SLC25A12: variants seen among roughly 807,000 people sequenced by gnomAD.
SLC25A12 encodes electrogenic aspartate/glutamate antiporter SLC25A12, mitochondrial.
A neutral mutation model predicts 83.3 loss-of-function variants in SLC25A12; 32 were observed. The observed-to-expected ratio is 0.38, with a 90% CI of 0.29 to 0.52. The LOEUF (loss-of-function observed/expected upper bound fraction) is 0.52. Among genes scored for constraint, SLC25A12 ranks in the 20% least tolerant of loss-of-function variants. The pLI, the probability that SLC25A12 is intolerant of heterozygous loss-of-function variation, is 0.84. For synonymous variants in SLC25A12, 267 were observed against 291.1 expected (o/e 0.92, Z 0.84); for missense variants, 611 against 835.6 (o/e 0.73, Z 3.31).
intron 2 of SLC25A12, among the ~76,000 whole-genome samples, chr2:171,869,039 T>C (rs532313908): frequency 6.6e-6 from 1 of 152,330 alleles, no homozygotes; most frequent in Admixed American, 6.5e-5. Context: ...TGTAGGAACC[T>C]TGAAAACATT....
intron 13 of SLC25A12, among the ~76,000 whole-genome samples, chr2:171,805,482 C>G (rs1036246833): frequency 1.3e-5 from 2 of 152,144 alleles, no homozygotes; most frequent in African/African-American, 4.8e-5. Flanking sequence ...TATGAAAGAA[C>G]AAATGAAAAC....
chr2:171,821,650 A>G (rs1032589368), intron 9 of SLC25A12, among the ~76,000 whole-genome samples: 4 of 152,104 alleles, frequency 2.6e-5, no homozygotes, highest in African/African-American at 9.7e-5. Context: ...GTTTCTGTTC[A>G]GGTATTTAGC....
intron 5 of SLC25A12, 34 bp from the exon 6 acceptor site, chr2:171,837,301 G>C (rs770931732): frequency 1.9e-5 from 31 of 1,611,188 alleles, no homozygotes; most frequent in Non-Finnish European, 2.5e-5. Context: ...CATTAAGCTG[G>C]TTAAACACAT....
chr2:171,827,890 T>C (rs1428672889), intron 8 of SLC25A12, among the ~76,000 whole-genome samples: 5 of 151,680 alleles, frequency 3.3e-5, no homozygotes, highest in African/African-American at 1.2e-4. Flanking sequence ...GAGCCTTCAT[T>C]TGCGGGCACA....
intron 5 of SLC25A12, among the ~76,000 whole-genome samples, chr2:171,841,069 A>ATTTG (rs200520228): frequency 0.021 from 3,193 of 152,158 alleles, 51 homozygotes; most frequent in Middle Eastern, 0.037. Context: ...AACAAGAGGG[A>ATTTG]TTTGTTTGTT....
intron 9 of SLC25A12, among the ~76,000 whole-genome samples, chr2:171,820,322 A>AT (rs1684159519): frequency 6.6e-6 from 1 of 152,244 alleles, no homozygotes; most frequent in Admixed American, 6.5e-5. Flanking sequence ...TAGCTTTAAT[A>AT]TAATTTCCCA....
chr2:171,847,384 G>C (rs769552438), intron 4 of SLC25A12, among the ~76,000 whole-genome samples: 1 of 152,184 alleles, frequency 6.6e-6, no homozygotes, highest in Non-Finnish European at 1.5e-5. Context: ...AAAAGCTCCA[G>C]AACTGGAGAG....
chr2:171,847,405 T>C (rs1684821561), intron 4 of SLC25A12, among the ~76,000 whole-genome samples: 1 of 152,254 alleles, frequency 6.6e-6, no homozygotes, highest in Non-Finnish European at 1.5e-5. Context: ...CTTATGCTTG[T>C]ATGAGGTAAT....
At chr2:171,847,583 C>A (rs1427099793) in intron 4 of SLC25A12, among the ~76,000 whole-genome samples, 1 of 151,960 alleles carries the variant, frequency 6.6e-6, no homozygotes, top group Non-Finnish European at 1.5e-5. Flanking sequence ...AAACAAGGAT[C>A]TTTTTTTTGC....
chr2:171,886,307 C>A (rs1685816749), intron 2 of SLC25A12, among the ~76,000 whole-genome samples: 1 of 147,232 alleles, frequency 6.8e-6, no homozygotes, highest in African/African-American at 2.5e-5. Context: ...TGGCTCACTG[C>A]AGCCTCAACC....
rs201456158 is a variant in SLC25A12 at position 171,865,852 on chromosome 2, A to AT, written c.209+2828dup. ...CTTCAATTATTTTTCCAAAAAAAAA[A>AT]TTTTTTTTAATTGATCATTCTTGGG... On this transcript the variant is annotated intron_variant, in intron 3 of 17. Transcript: ENST00000422440. 2.6e-4 allele frequency among the ~76,000 whole-genome samples: 40 copies of AT among 151,648 alleles called. No individual in the cohort carries two copies. The East Asian group carries it at 5.8e-3, about 22-fold the overall frequency.
chr2:171,856,429 AC>A (rs1685047081), intron 3 of SLC25A12: 1 of 172,796 alleles, frequency 5.8e-6, no homozygotes, highest in Non-Finnish European at 1.2e-5. Flanking sequence ...GAGCAAAATC[AC>A]CCCTATTGAG....
At chr2:171,788,119 G>A in intron 15 of SLC25A12, 172 bp from the exon 16 acceptor site, 1 of 640,540 alleles carries the variant, frequency 1.6e-6, no homozygotes, top group Non-Finnish European at 2.7e-6. Context: ...ATTAGCTGTT[G>A]CAGTGTGATC....
rs1445199817 is a variant in SLC25A12 at position 171,866,461 on chromosome 2, G to A, written c.209+2220C>T. Reference sequence around the variant, plus strand: ...GACGGGGCGGCTGGCCGGGCAGGGGGCTGACCCCCCACCTCCCTCCCGGAC... The same window carrying A: ...GACGGGGCGGCTGGCCGGGCAGGGGACTGACCCCCCACCTCCCTCCCGGAC... On this transcript the variant is annotated intron_variant, in intron 3 of 17. Transcript: ENST00000422440. 4.1e-5 allele frequency among the ~76,000 whole-genome samples: 6 copies of A among 145,352 alleles called. No individual in the cohort carries two copies. The East Asian group carries it at 8.4e-4, about 20-fold the overall frequency.
chr2:171,873,224 A>G (rs1167986066), intron 2 of SLC25A12, among the ~76,000 whole-genome samples: 7 of 152,022 alleles, frequency 4.6e-5, no homozygotes, highest in African/African-American at 1.7e-4. Context: ...TGAGGCAGGC[A>G]GATCACGAGG....
intron 2 of SLC25A12, among the ~76,000 whole-genome samples, chr2:171,877,441 T>C (rs1006523771): frequency 6.6e-6 from 1 of 151,526 alleles, no homozygotes; most frequent in Non-Finnish European, 1.5e-5. Flanking sequence ...CCGAGGCGGG[T>C]GGATCACGAG....
At chr2:171,881,142 C>CTTTTTTT (rs201576623) in intron 2 of SLC25A12, among the ~76,000 whole-genome samples, 1 of 151,842 alleles carries the variant, frequency 6.6e-6, no homozygotes, top group African/African-American at 2.4e-5. Context: ...CCCATATTTT[C>CTTTTTTT]TTTTTTTGTT....
intron 2 of SLC25A12, among the ~76,000 whole-genome samples, chr2:171,878,249 C>G (rs1574003030): frequency 6.6e-6 from 1 of 152,188 alleles, no homozygotes; most frequent in African/African-American, 2.4e-5. Context: ...GTGCCATTAA[C>G]TCAAGAATTT....
chr2:171,890,315 T>C (rs1685904074), intron 2 of SLC25A12, among the ~76,000 whole-genome samples: 1 of 152,244 alleles, frequency 6.6e-6, no homozygotes, highest in Non-Finnish European at 1.5e-5. Flanking sequence ...AAAATATTAA[T>C]CAACTATATG....
Sources: gnomAD v4.1 joint callset for allele counts (sites outside exome capture counted in the v4.1 genomes callset) on GRCh38, gnomAD v4.1.1 for gene constraint, MANE v1.5 for transcripts, NCBI Gene and HGNC (gene_info 2026-07-23, HGNC 2026-07-21) for gene names.